PTPRD: variants seen among roughly 807,000 people sequenced by gnomAD.
PTPRD encodes protein tyrosine phosphatase receptor type D.
A neutral mutation model predicts 214.5 loss-of-function variants in PTPRD; 34 were observed. The observed-to-expected ratio is 0.16, with a 90% confidence interval of 0.12 to 0.21. The LOEUF (loss-of-function observed/expected upper bound fraction) is 0.21, where lower values mean the gene tolerates loss of function less well. Among genes scored for constraint, PTPRD ranks in the 10% least tolerant of loss-of-function variants. PTPRD has a pLI of 1.00. For synonymous variants in PTPRD, 1,128 were observed against 845.7 expected (o/e 1.33, Z -5.79); for missense variants, 2,545 against 2,398.7 (o/e 1.06, Z -1.27).
intron 4 of PTPRD, among the ~76,000 whole-genome samples, chr9:9,942,645 C>A (rs2091780240): frequency 6.6e-6 from 1 of 152,058 alleles, no homozygotes; most frequent in African/African-American, 2.4e-5. Flanking sequence ...CCGACTTCTA[C>A]AATTTTGCAA....
intron 2 of PTPRD, among the ~76,000 whole-genome samples, chr9:10,500,886 T>G (rs1223464492): frequency 6.6e-6 from 1 of 151,986 alleles, no homozygotes; most frequent in Admixed American, 6.6e-5. Flanking sequence ...AATATCATTT[T>G]GAATAGTGTT....
chr9:10,396,697 C>T lies in PTPRD; in HGVS notation c.-599-55680G>A, dbSNP rs532179831. 2.6e-3 allele frequency among the ~76,000 whole-genome samples: 402 copies of T among 152,084 alleles called. 4 individuals are homozygous for T. Among genetic ancestry groups the T allele is most frequent in the Non-Finnish European group, 3.8e-3 (257 of 67,944 alleles). ...AGATTTGGGAAATAACTGCAGATTT[C>T]ATTTATGTCTGTTCAACCTGACTAA... On this transcript the variant is annotated intron_variant, in intron 2 of 45. Transcript: ENST00000381196.
chr9:8,418,118 A>T (rs2094082099), intron 35 of PTPRD, among the ~76,000 whole-genome samples: 1 of 152,088 alleles, frequency 6.6e-6, no homozygotes, highest in Non-Finnish European at 1.5e-5. Flanking sequence ...ATAATTTTAA[A>T]TTCCAGCCTT....
intron 9 of PTPRD, among the ~76,000 whole-genome samples, chr9:9,244,283 C>G (rs181491560): frequency 3.9e-5 from 6 of 152,186 alleles, no homozygotes; most frequent in Admixed American, 3.9e-4. Flanking sequence ...TTGGAAAAAA[C>G]TACTTTAAGG....
chr9:9,767,248 A>G (rs2098714632), intron 5 of PTPRD, among the ~76,000 whole-genome samples: 1 of 152,084 alleles, frequency 6.6e-6, no homozygotes, highest in Admixed American at 6.5e-5. Context: ...CAGGTTAAAT[A>G]GATTTTATAA....
intron 8 of PTPRD, among the ~76,000 whole-genome samples, chr9:9,457,304 A>G (rs1288594411): frequency 2.0e-5 from 3 of 151,980 alleles, no homozygotes; most frequent in Non-Finnish European, 2.9e-5. Context: ...GTCCTTTATG[A>G]TAATCGGTCT....
intron 5 of PTPRD, among the ~76,000 whole-genome samples, chr9:9,885,134 G>A (rs932741540): frequency 2.0e-5 from 3 of 151,948 alleles, no homozygotes; most frequent in Non-Finnish European, 4.4e-5. Context: ...AGATTACCAG[G>A]CAGAGAGCTT....
chr9:10,380,964 C>G (rs1473248173), intron 2 of PTPRD, among the ~76,000 whole-genome samples: 1 of 151,756 alleles, frequency 6.6e-6, no homozygotes, highest in Non-Finnish European at 1.5e-5. Flanking sequence ...TTAGTTACTC[C>G]AAAGAGAATT....
At chr9:9,314,060 A>G (rs978837846) in intron 9 of PTPRD, among the ~76,000 whole-genome samples, 1 of 152,282 alleles carries the variant, frequency 6.6e-6, no homozygotes, top group East Asian at 1.9e-4. Context: ...TTATTTCTCA[A>G]CATTTCCTGC....
chr9:9,979,459 A>C (rs1193932677), intron 4 of PTPRD, among the ~76,000 whole-genome samples: 1 of 151,968 alleles, frequency 6.6e-6, no homozygotes, highest in Admixed American at 6.6e-5. Flanking sequence ...TGAGAGGGAG[A>C]CATTTCAATA....
rs537421783 is a variant in PTPRD at position 8,619,005 on chromosome 9, C to G, written c.352+14312G>C. ...AAACTCGTGACCTCAAGTGATCTGC[C>G]AACCTCAGCCTCCCAAAATGCTGGG... On this transcript the variant is annotated intron_variant, in intron 14 of 45. Transcript: ENST00000381196. Among the ~76,000 whole-genome samples, 15 of 147,638 alleles carry G rather than the reference C, an allele frequency of 1.0e-4. No individual in the cohort carries two copies. In the South Asian group the frequency reaches 3.1e-3, roughly 30 times the overall value.
At chr9:9,834,639 T>C (rs1217803246) in intron 5 of PTPRD, among the ~76,000 whole-genome samples, 1 of 152,058 alleles carries the variant, frequency 6.6e-6, no homozygotes, top group Non-Finnish European at 1.5e-5. Context: ...ACCCAAAGCC[T>C]CTGGGGTCAT....
At chr9:8,596,514 G>A (rs962625141) in intron 14 of PTPRD, among the ~76,000 whole-genome samples, 5 of 152,024 alleles carry the variant, frequency 3.3e-5, no homozygotes, top group Admixed American at 6.5e-5. Context: ...CAGACGACAA[G>A]AGGCCTGCAG....
intron 9 of PTPRD, among the ~76,000 whole-genome samples, chr9:9,184,691 T>C (rs60056660): frequency 0.033 from 5,020 of 152,188 alleles, 311 homozygotes; most frequent in African/African-American, 0.12. Flanking sequence ...CATTAGATTG[T>C]AAACTATGGT....
chr9:8,523,779 C>G (rs927553250), intron 18 of PTPRD, among the ~76,000 whole-genome samples: 12 of 152,080 alleles, frequency 7.9e-5, no homozygotes, highest in Admixed American at 2.0e-4. Flanking sequence ...CCTCATGCAG[C>G]AAGGGAGGTC....
chr9:10,344,749 G>C (rs2097032933), intron 2 of PTPRD, among the ~76,000 whole-genome samples: 1 of 151,998 alleles, frequency 6.6e-6, no homozygotes, highest in Non-Finnish European at 1.5e-5. Context: ...CACATCCCTG[G>C]TAAGTTGGAT....
intron 5 of PTPRD, among the ~76,000 whole-genome samples, chr9:9,886,311 ATTTC>A (rs1331505051): frequency 6.6e-6 from 1 of 152,102 alleles, no homozygotes; most frequent in African/African-American, 2.4e-5. Context: ...GTTATCTCAT[ATTTC>A]TTTAATTCAC....
chr9:9,504,432 AATGT>A, intron 8 of PTPRD, among the ~76,000 whole-genome samples: 1 of 151,782 alleles, frequency 6.6e-6, no homozygotes, highest in African/African-American at 2.4e-5. Flanking sequence ...CTCCATTCCA[AATGT>A]ATCTTAAGCC....
At position 9,041,656 on chromosome 9, in the gene PTPRD, A is replaced by G. The variant is rs2099640217; in HGVS notation, c.-142-22921T>C. ...TGAGGAGGCGTGAACTCAAATGAGT[A>G]AATACATTCACAATTAGGAATTATT... On this transcript the variant is annotated intron_variant, in intron 10 of 45. Transcript: ENST00000381196. 6.6e-5 allele frequency among the ~76,000 whole-genome samples: 10 copies of G among 152,202 alleles called. 1 individual carries two copies. In the South Asian group the frequency reaches 2.1e-3, roughly 32 times the overall value.
Sources: gnomAD v4.1 joint callset for allele counts (sites outside exome capture counted in the v4.1 genomes callset) on GRCh38, gnomAD v4.1.1 for gene constraint, MANE v1.5 for transcripts, NCBI Gene and HGNC (gene_info 2026-07-23, HGNC 2026-07-21) for gene names.